Variants in FUT9 observed in about 807,000 individuals in gnomAD.
The protein encoded by FUT9 is fucosyltransferase 9.
In FUT9, 15 loss-of-function variants were observed where a neutral mutation model predicts 29.7. That is an observed-to-expected ratio of 0.51 (90% CI 0.34 to 0.78). The LOEUF is 0.78. Ranked by LOEUF, FUT9 falls within the 30% of genes least tolerant of loss-of-function variation. FUT9 has a pLI of 0.01. For synonymous variants in FUT9, 169 were observed against 153.7 expected (o/e 1.10, Z -0.74); for missense variants, 319 against 425.4 (o/e 0.75, Z 2.20).
Position 96,125,674 on chromosome 6 carries a change from C to T in FUT9, c.-9+11547C>T, listed in dbSNP as rs191327178. Among the ~76,000 whole-genome samples the T allele has an allele frequency of 3.5e-4, 53 of 152,192 alleles. No individual in the cohort carries two copies. In the East Asian group the frequency reaches 3.5e-3, roughly 10 times the overall value. ...GCTAGAATTGAAGTCTTCTGAACCT[C>T]CACCTGCACCCTCAGAGCCCCATGC... On this transcript the variant is annotated intron_variant, in intron 2 of 2. Coordinates refer to ENST00000302103, the MANE Select transcript of FUT9 (RefSeq NM_006581.4).
chr6:96,045,199 C>T (rs374337436), intron 1 of FUT9, among the ~76,000 whole-genome samples: 3 of 152,204 alleles, frequency 2.0e-5, no homozygotes, highest in African/African-American at 7.2e-5. Context: ...AAAGCAAAGG[C>T]AAATAATGCT....
intron 1 of FUT9, among the ~76,000 whole-genome samples, chr6:96,038,423 C>T (rs1012846735): frequency 3.9e-5 from 6 of 151,990 alleles, no homozygotes; most frequent in Non-Finnish European, 5.9e-5. Context: ...TCTTCTTTGC[C>T]GTTATGCGTT....
intron 1 of FUT9, among the ~76,000 whole-genome samples, chr6:96,104,381 CT>C (rs1485704849): frequency 6.6e-6 from 1 of 151,976 alleles, no homozygotes; most frequent in Non-Finnish European, 1.5e-5. Context: ...TGGCTTGATA[CT>C]TTATTTTAAT....
At chr6:96,175,943 T>C (rs1773194766) in intron 2 of FUT9, among the ~76,000 whole-genome samples, 1 of 152,224 alleles carries the variant, frequency 6.6e-6, no homozygotes, top group South Asian at 2.1e-4. Context: ...CCAACGTGAC[T>C]GGGCACTAAC....
intron 2 of FUT9, among the ~76,000 whole-genome samples, chr6:96,123,039 G>C (rs1402278671): frequency 8.4e-6 from 1 of 118,486 alleles, no homozygotes; most frequent in Non-Finnish European, 1.6e-5. Flanking sequence ...CAGCCTAGGA[G>C]ACAGCCGCGA....
intron 1 of FUT9, among the ~76,000 whole-genome samples, chr6:96,060,143 A>G (rs1770847183): frequency 6.6e-6 from 1 of 152,226 alleles, no homozygotes; most frequent in African/African-American, 2.4e-5. Context: ...AACACAAGGA[A>G]TGATCCTGCT....
intron 1 of FUT9, among the ~76,000 whole-genome samples, chr6:96,075,840 A>G (rs1771134920): frequency 6.6e-6 from 1 of 152,162 alleles, no homozygotes; most frequent in Admixed American, 6.5e-5. Context: ...AGTTTAATAC[A>G]TACATAAGTA....
intron 1 of FUT9, among the ~76,000 whole-genome samples, chr6:96,088,235 A>G (rs1473793913): frequency 6.6e-6 from 1 of 152,072 alleles, no homozygotes; most frequent in Non-Finnish European, 1.5e-5. Flanking sequence ...AACTTAAAGT[A>G]TAATAAAACA....
At chr6:96,162,576 G>C (rs1308089712) in intron 2 of FUT9, among the ~76,000 whole-genome samples, 1 of 152,136 alleles carries the variant, frequency 6.6e-6, no homozygotes, top group Admixed American at 6.5e-5. Context: ...CAGAAGGAGT[G>C]TATCAGTTGA....
rs74831930 is a variant in FUT9 at position 96,075,760 on chromosome 6, A to G, written c.-97-38279A>G. ...AAATTAGTATCAGCCGATTCCTTAA[A>G]TTTTATGTCAACTTAAGTTCACTGA... On this transcript the variant is annotated intron_variant, in intron 1 of 2. Coordinates refer to ENST00000302103, the MANE Select transcript of FUT9 (RefSeq NM_006581.4). Among the ~76,000 whole-genome samples, 469 of 152,274 alleles carry G rather than the reference A, an allele frequency of 3.1e-3. 3 individuals carry two copies. Among genetic ancestry groups the G allele is most frequent in the Non-Finnish European group, 5.6e-3 (381 of 68,020 alleles).
chr6:96,098,158 T>A (rs1372855739), intron 1 of FUT9, among the ~76,000 whole-genome samples: 1 of 152,044 alleles, frequency 6.6e-6, no homozygotes, highest in African/African-American at 2.4e-5. Context: ...GAATGAATAG[T>A]TATTTTAGTT....
intron 1 of FUT9, among the ~76,000 whole-genome samples, chr6:96,106,372 T>A (rs577925145): frequency 6.6e-6 from 1 of 152,242 alleles, no homozygotes; most frequent in South Asian, 2.1e-4. Flanking sequence ...CTTAAAAATA[T>A]GTGCTTTTAA....
At chr6:96,041,991 T>A (rs182163031) in intron 1 of FUT9, among the ~76,000 whole-genome samples, 55 of 152,340 alleles carry the variant, frequency 3.6e-4, no homozygotes, top group African/African-American at 1.3e-3. Context: ...AACTTTATCA[T>A]CAAATTGTAC....
intron 2 of FUT9, among the ~76,000 whole-genome samples, chr6:96,197,556 G>T (rs961281468): frequency 6.6e-6 from 1 of 152,082 alleles, no homozygotes; most frequent in Admixed American, 6.6e-5. Flanking sequence ...CTAAAGTTCT[G>T]TTCAAATGGT....
intron 1 of FUT9, among the ~76,000 whole-genome samples, chr6:96,075,932 T>C (rs1159998550): frequency 4.6e-5 from 7 of 152,196 alleles, no homozygotes; most frequent in African/African-American, 1.7e-4. Flanking sequence ...AGCCTGTTGT[T>C]AGAGTGGGCT....
intron 2 of FUT9, among the ~76,000 whole-genome samples, chr6:96,137,907 G>C (rs1478074954): frequency 6.6e-6 from 1 of 152,020 alleles, no homozygotes; most frequent in Admixed American, 6.6e-5. Context: ...GAAATTAAGA[G>C]TTTATTTAAA....
chr6:96,206,144 T>A lies in FUT9; in HGVS notation c.*1909T>A. On this transcript the variant is annotated 3_prime_UTR_variant, in exon 3 of 3. Coordinates refer to ENST00000302103, the MANE Select transcript of FUT9 (RefSeq NM_006581.4). ...GACGTTTGTATGGGTCAATGCTGAT[T>A]TAATGGGGAAAAAAAGTAGAAAATT... is the stretch of plus-strand genomic sequence containing the variant. The A allele has an allele frequency of 6.0e-6, 1 of 167,088 alleles. No homozygotes were observed. The highest frequency in any genetic ancestry group is 1.9e-4 in the East Asian group (1 of 5,194). The allele number at this position is 167,088 out of a possible 1,614,324, so 10.4% of individuals were successfully genotyped here. A position where few individuals can be genotyped will look rare whatever the true frequency, so the allele number is the denominator to read the frequency against.
Position 96,110,817 on chromosome 6 carries a change from A to ATTT in FUT9, c.-97-3221_-97-3219dup, listed in dbSNP as rs59996025. On this transcript the variant is annotated intron_variant, in intron 1 of 2. Transcript: ENST00000302103. The stretch of plus-strand genomic sequence containing the variant: ...ACTACAGGTATGCACAAATGTGCCT[A>ATTT]TTTATTTATTTATTTATTTATTTTT... 3.6e-4 allele frequency among the ~76,000 whole-genome samples: 50 copies of ATTT among 139,168 alleles called. 2 individuals are homozygous for ATTT. The highest frequency in any genetic ancestry group is 1.0e-3 in the Admixed American group (14 of 13,648). The allele number at this position is 139,168 out of a possible 152,430, so 91.3% of individuals were successfully genotyped here. A position where few individuals can be genotyped will look rare whatever the true frequency, so the allele number is the denominator to read the frequency against.
At chr6:96,095,780 G>A (rs1295611685) in intron 1 of FUT9, among the ~76,000 whole-genome samples, 1 of 152,090 alleles carries the variant, frequency 6.6e-6, no homozygotes, top group Non-Finnish European at 1.5e-5. Context: ...GCACCAGGCT[G>A]TCTGGCTTTG....
Sources: gnomAD v4.1 joint callset for allele counts (sites outside exome capture counted in the v4.1 genomes callset) on GRCh38, gnomAD v4.1.1 for gene constraint, MANE v1.5 for transcripts, NCBI Gene and HGNC (gene_info 2026-07-23, HGNC 2026-07-21) for gene names.